Variants in ADAMTS20 observed in about 807,000 individuals in gnomAD.
ADAMTS20 encodes ADAM metallopeptidase with thrombospondin type 1 motif 20, also known as A disintegrin and metalloproteinase with thrombospondin motifs 20.
In ADAMTS20, 225 loss-of-function variants were observed where a neutral mutation model predicts 260.1. The ratio of observed to expected loss-of-function variants is 0.87; its 90% CI spans 0.78 to 0.97. The LOEUF (loss-of-function observed/expected upper bound fraction) is 0.97, where lower values mean the gene tolerates loss of function less well. ADAMTS20 is among the 50% of genes least tolerant of loss of function. The pLI is 0.00. For missense variants in ADAMTS20, 2,400 were observed against 2,337.7 expected, an observed-to-expected ratio of 1.03 and a Z score of -0.55; for synonymous variants, 802 against 769.5, an observed-to-expected ratio of 1.04 and a Z score of -0.70.
intron 19 of ADAMTS20, 93 bp downstream of exon 19, chr12:43,434,152 T>C (rs1193630116): frequency 1.2e-5 from 16 of 1,316,796 alleles, no homozygotes; most frequent in East Asian, 2.5e-5. Flanking sequence ...TGAGTAATAA[T>C]TGCATGTCCA....
chr12:43,550,834 A>G lies in ADAMTS20; in HGVS notation c.453+75T>C, dbSNP rs545875887. ...AGGGTCATCAGCCACCAACTCGAAA[A>G]CCCAAGGCCCCGTTCGCTGAATGTA... On this transcript the variant is annotated intron_variant, in intron 2 of 38. Coordinates refer to ENST00000389420, the MANE Select transcript of ADAMTS20 (RefSeq NM_025003.5). 61 of 1,446,710 alleles carry G rather than the reference A, an allele frequency of 4.2e-5. No homozygotes were observed. In the African/African-American group the frequency reaches 4.3e-4, roughly 10 times the overall value. 89.6% of individuals were successfully genotyped at this position (1,446,710 alleles called of 1,614,324 possible).
At chr12:43,436,043 C>T (rs1941548795) in intron 18 of ADAMTS20, among the ~76,000 whole-genome samples, 1 of 151,162 alleles carries the variant, frequency 6.6e-6, no homozygotes. Context: ...TTTGAAATGA[C>T]TATGAGAAAT....
At chr12:43,474,123 T>G (rs1292428598) in intron 7 of ADAMTS20, among the ~76,000 whole-genome samples, 1 of 150,710 alleles carries the variant, frequency 6.6e-6, no homozygotes, top group Non-Finnish European at 1.5e-5. Flanking sequence ...GAGAGCAGAA[T>G]CAAATAGACA....
chr12:43,545,931 TA>T (rs1943436161), intron 2 of ADAMTS20, among the ~76,000 whole-genome samples: 1 of 152,162 alleles, frequency 6.6e-6, no homozygotes, highest in South Asian at 2.1e-4. Flanking sequence ...ACTAGAATGT[TA>T]AAAGAACAGC....
chr12:43,551,798 T>A lies in ADAMTS20; in HGVS notation c.91+33A>T. On this transcript the variant is annotated intron_variant, in intron 1 of 38. Transcript: ENST00000389420. This position sits in a 1 kb window ranked among gnomAD's most constrained non-coding sequence, Gnocchi z 4.6. ...TCCCACTCGGGCCCCGCGCCCCCAC[T>A]TAGCCGCTGAAGGCGTCTCGCGGTG... The A allele has an allele frequency of 6.2e-7, 1 of 1,609,476 alleles. No homozygotes were observed. The highest frequency in any genetic ancestry group is 8.5e-7 in the Non-Finnish European group (1 of 1,176,960).
chr12:43,355,872 AAT>A (rs1466297340), intron 38 of ADAMTS20, among the ~76,000 whole-genome samples: 2 of 152,026 alleles, frequency 1.3e-5, no homozygotes, highest in Admixed American at 1.3e-4. Flanking sequence ...AAACTATAAA[AAT>A]AGTTATAACT....
chr12:43,456,792 G>C (rs922841557), intron 11 of ADAMTS20, among the ~76,000 whole-genome samples: 2 of 152,150 alleles, frequency 1.3e-5, no homozygotes, highest in African/African-American at 4.8e-5. Context: ...AAAAGAGCAG[G>C]AGTACAAGCC....
chr12:43,446,619 C>T lies in ADAMTS20; in HGVS notation c.2173G>A (p.Gly725Ser). Residue 725 changes from glycine to serine, a missense_variant, in exon 15 of 39, where the codon GGT becomes AGT. By Grantham distance (56) the Gly-to-Ser change is moderately conservative. Transcript: ENST00000389420. ...GDNSSCKTIT[G>S]VFNSSHYGYN... ...CCATAATGAGAACTGTTGAAGACAC[C>T]TGTTATTGTCTTGCATGAAGAGTTG... 1 of 1,612,954 alleles carries T rather than the reference C, an allele frequency of 6.2e-7. No homozygotes were observed. The highest frequency in any genetic ancestry group is 8.5e-7 in the Non-Finnish European group (1 of 1,179,264).
At chr12:43,478,646 A>G (rs1942395786) in intron 7 of ADAMTS20, among the ~76,000 whole-genome samples, 1 of 152,206 alleles carries the variant, frequency 6.6e-6, no homozygotes, top group Non-Finnish European at 1.5e-5. Flanking sequence ...AGATCACCAA[A>G]AAATCTACAA....
chr12:43,476,946 G>T (rs1942364560), intron 7 of ADAMTS20, among the ~76,000 whole-genome samples: 1 of 139,536 alleles, frequency 7.2e-6, no homozygotes, highest in Admixed American at 7.7e-5. Context: ...GTATACATAT[G>T]TAACTAACCT....
intron 32 of ADAMTS20, among the ~76,000 whole-genome samples, chr12:43,377,146 C>G (rs944491541): frequency 1.3e-5 from 2 of 152,164 alleles, no homozygotes; most frequent in Non-Finnish European, 2.9e-5. Context: ...ATCTAAGGAA[C>G]AGAAATAAGT....
chr12:43,545,794 CT>C (rs1410118125), intron 2 of ADAMTS20, among the ~76,000 whole-genome samples: 1 of 152,078 alleles, frequency 6.6e-6, no homozygotes. Context: ...CTATGTAAGC[CT>C]TTTTTTCTTA....
intron 28 of ADAMTS20, chr12:43,423,467 G>T: frequency 2.3e-6 from 1 of 443,980 alleles, no homozygotes; most frequent in Non-Finnish European, 4.0e-6. Context: ...TGAATGGGTA[G>T]GGAAAATAAA....
chr12:43,471,835 T>C (rs1176383294), intron 7 of ADAMTS20, among the ~76,000 whole-genome samples: 2 of 134,570 alleles, frequency 1.5e-5, no homozygotes, highest in African/African-American at 2.8e-5. Context: ...AACCCATCTG[T>C]ACATCACCAT....
At chr12:43,527,241 A>C (rs1943155472) in intron 3 of ADAMTS20, among the ~76,000 whole-genome samples, 1 of 152,206 alleles carries the variant, frequency 6.6e-6, no homozygotes, top group African/African-American at 2.4e-5. Flanking sequence ...ATAGATTCAC[A>C]GTTGAATTCT....
At chr12:43,460,988 A>ATATATTT in intron 11 of ADAMTS20, among the ~76,000 whole-genome samples, 1 of 26,396 alleles carries the variant, frequency 3.8e-5, no homozygotes, top group African/African-American at 1.3e-4. Flanking sequence ...ATATATATAT[A>ATATATTT]TTTTTTTTTT....
At chr12:43,366,054 TA>T (rs908158192) in intron 37 of ADAMTS20, among the ~76,000 whole-genome samples, 3 of 151,762 alleles carry the variant, frequency 2.0e-5, no homozygotes, top group Admixed American at 1.3e-4. Flanking sequence ...ATAGTGATGT[TA>T]AAAAAATCCA....
At chr12:43,382,891 T>C (rs10880475) in intron 31 of ADAMTS20, among the ~76,000 whole-genome samples, 37,697 of 151,860 alleles carry the variant, frequency 0.25, 5,276 homozygotes, top group African/African-American at 0.38. Flanking sequence ...TAAAGACATC[T>C]ATATAATGGA....
intron 11 of ADAMTS20, among the ~76,000 whole-genome samples, chr12:43,460,051 T>G (rs1317868039): frequency 1.3e-5 from 2 of 152,170 alleles, no homozygotes; most frequent in Non-Finnish European, 2.9e-5. Context: ...TAAGGCAAAA[T>G]TATAGAATAT....
Sources: gnomAD v4.1 joint callset for allele counts (sites outside exome capture counted in the v4.1 genomes callset) on GRCh38, gnomAD v4.1.1 for gene constraint, Gnocchi (gnomAD v3.1) non-coding constraint, MANE v1.5 for transcripts, NCBI Gene and HGNC (gene_info 2026-07-23, HGNC 2026-07-21) for gene names.